The following PLEKHA7 variants were observed in gnomAD, a reference collection of about 807,000 sequenced individuals.
PLEKHA7 encodes the protein pleckstrin homology domain containing A7.
Under a neutral mutation model 170.0 loss-of-function variants are expected in PLEKHA7, and 104 were observed. The ratio of observed to expected loss-of-function variants is 0.61; its 90% CI spans 0.52 to 0.72. The LOEUF is 0.72. PLEKHA7 is among the 30% of genes least tolerant of loss of function. The probability of loss-of-function intolerance (pLI) is 0.00; values close to 1 mark genes in which losing one functional copy is unlikely to be tolerated. For synonymous variants in PLEKHA7, 648 were observed against 660.8 expected (o/e 0.98, Z 0.30); for missense variants, 1,615 against 1,671.7 (o/e 0.97, Z 0.59).
chr11:16,887,788 G>A (rs368984230), intron 3 of PLEKHA7, among the ~76,000 whole-genome samples: 2 of 152,216 alleles, frequency 1.3e-5, no homozygotes, highest in Admixed American at 6.5e-5. Flanking sequence ...CCAAAGTGCC[G>A]AGATTCCAGC....
chr11:16,890,804 C>T (rs1418646726), intron 3 of PLEKHA7, among the ~76,000 whole-genome samples: 1 of 152,032 alleles, frequency 6.6e-6, no homozygotes, highest in East Asian at 1.9e-4. Context: ...AATGTCCTGC[C>T]TTAAAATCCA....
At chr11:16,883,295 A>T (rs900497792) in intron 3 of PLEKHA7, among the ~76,000 whole-genome samples, 2 of 152,210 alleles carry the variant, frequency 1.3e-5, no homozygotes, top group African/African-American at 2.4e-5. Context: ...TTCATCAGTT[A>T]TATAGAAATA....
At chr11:16,918,296 C>G (rs1858838840) in intron 3 of PLEKHA7, among the ~76,000 whole-genome samples, 1 of 152,170 alleles carries the variant, frequency 6.6e-6, no homozygotes, top group Admixed American at 6.5e-5. Context: ...ACAGCAACAA[C>G]CTAGCAACCC....
At chr11:16,780,294 A>C (rs989821161) in intron 26 of PLEKHA7, among the ~76,000 whole-genome samples, 4 of 152,174 alleles carry the variant, frequency 2.6e-5, no homozygotes, top group Non-Finnish European at 4.4e-5. Context: ...ACTGCCTCTC[A>C]TCACTAGATG....
chr11:16,831,760 T>C (rs1417318641), intron 9 of PLEKHA7, among the ~76,000 whole-genome samples: 2 of 152,232 alleles, frequency 1.3e-5, no homozygotes, highest in African/African-American at 2.4e-5. Context: ...TAAAATGGGA[T>C]AACAGTGTCT....
intron 3 of PLEKHA7, among the ~76,000 whole-genome samples, chr11:16,959,500 T>C (rs187345685): frequency 5.7e-4 from 87 of 152,316 alleles, no homozygotes; most frequent in Non-Finnish European, 1.1e-3. Context: ...TGGATTATCT[T>C]TTTTCAGGTT....
chr11:16,819,335 T>C (rs967204301), intron 10 of PLEKHA7, among the ~76,000 whole-genome samples: 12 of 152,162 alleles, frequency 7.9e-5, no homozygotes. Flanking sequence ...TGGCCTCAAG[T>C]GATCTGCCCC....
chr11:16,958,336 TA>T (rs1001192662), intron 3 of PLEKHA7, among the ~76,000 whole-genome samples: 1 of 151,840 alleles, frequency 6.6e-6, no homozygotes. Context: ...AAAATTAAAA[TA>T]AAAAAGGTCA....
At chr11:16,957,697 CTTTTTTTTTT>C (rs1169142909) in intron 3 of PLEKHA7, among the ~76,000 whole-genome samples, 1 of 87,296 alleles carries the variant, frequency 1.1e-5, no homozygotes, top group Non-Finnish European at 2.0e-5. Flanking sequence ...TAATTTTTTT[CTTTTTTTTTT>C]TTTTTTTTTT....
In PLEKHA7 at chr11:16,854,919, G is replaced by A. The variant is rs1853303457; in HGVS notation, c.492C>T (p.Pro164=). Residue 164 remains proline (P), a synonymous_variant, in exon 6 of 27, where the codon CCC becomes CCT. Coordinates refer to ENST00000531066, the MANE Select transcript of PLEKHA7 (RefSeq NM_001329630.2). ...TGTGCAGCCAGCCCCTCACCACCACGGGAACATTGGGGTTCCTCCGAATGG... is the reference window on the plus strand; with the variant it reads ...TGTGCAGCCAGCCCCTCACCACCACAGGAACATTGGGGTTCCTCCGAATGG... The part of the protein sequence containing the change: ...DQAIRRNPNV[P]VVVRGWLHKQ... 7 of 1,613,906 alleles carry A rather than the reference G, an allele frequency of 4.3e-6. No homozygotes were observed. In the East Asian group the frequency reaches 8.9e-5, roughly 21 times the overall value.
chr11:16,780,971 A>T (rs1848978994), intron 26 of PLEKHA7: 1 of 985,832 alleles, frequency 1.0e-6, no homozygotes, highest in Non-Finnish European at 1.2e-6. Flanking sequence ...GGTGTAGTGG[A>T]GTCCGTTGGT....
intron 9 of PLEKHA7, among the ~76,000 whole-genome samples, chr11:16,838,811 C>T (rs367856614): frequency 6.4e-4 from 97 of 151,582 alleles, no homozygotes; most frequent in African/African-American, 2.0e-3. Context: ...CTCAGCCTCC[C>T]GAGTAGCTGG....
At chr11:16,856,462 G>A (rs1285651173) in intron 4 of PLEKHA7, among the ~76,000 whole-genome samples, 2 of 152,146 alleles carry the variant, frequency 1.3e-5, no homozygotes, top group African/African-American at 4.8e-5. Context: ...TCCTATTCTA[G>A]GAACACTCCA....
intron 3 of PLEKHA7, among the ~76,000 whole-genome samples, chr11:16,959,043 C>T (rs569761215): frequency 1.3e-5 from 2 of 152,266 alleles, no homozygotes; most frequent in Admixed American, 1.3e-4. Context: ...AGACGTTAGC[C>T]CAGCTTCCCT....
At chr11:16,875,806 A>G (rs1855245548) in intron 3 of PLEKHA7, among the ~76,000 whole-genome samples, 1 of 152,104 alleles carries the variant, frequency 6.6e-6, no homozygotes, top group Non-Finnish European at 1.5e-5. Flanking sequence ...CTGGTTCAGC[A>G]CTCTGAGCAA....
chr11:16,848,717 C>T (rs984917633), intron 8 of PLEKHA7, among the ~76,000 whole-genome samples: 1 of 152,162 alleles, frequency 6.6e-6, no homozygotes, highest in African/African-American at 2.4e-5. Context: ...ACTGCTGATA[C>T]ACATTGTGAC....
intron 3 of PLEKHA7, among the ~76,000 whole-genome samples, chr11:16,977,104 T>G (rs1392438250): frequency 1.3e-5 from 2 of 152,148 alleles, no homozygotes. Flanking sequence ...TCTAGAAAAA[T>G]GAGGTAACCT....
chr11:16,812,901 A>G (rs1371597622), intron 13 of PLEKHA7, among the ~76,000 whole-genome samples: 1 of 152,202 alleles, frequency 6.6e-6, no homozygotes, highest in African/African-American at 2.4e-5. Context: ...TAAGCCAGGG[A>G]CCTCACAACA....
At chr11:16,794,300 C>T (rs1415442286) in intron 19 of PLEKHA7, among the ~76,000 whole-genome samples, 188 bp downstream of exon 19, 1 of 152,030 alleles carries the variant, frequency 6.6e-6, no homozygotes, top group African/African-American at 2.4e-5. Context: ...AGGGCTCTTC[C>T]AGTTCTGACA....
Sources: gnomAD v4.1 joint callset for allele counts (sites outside exome capture counted in the v4.1 genomes callset) on GRCh38, gnomAD v4.1.1 for gene constraint, MANE v1.5 for transcripts, NCBI Gene and HGNC (gene_info 2026-07-23, HGNC 2026-07-21) for gene names.